Variants in TIMELESS observed in about 807,000 individuals in gnomAD.
TIMELESS encodes the protein protein timeless homolog.
Under a neutral mutation model 164.3 loss-of-function variants are expected in TIMELESS, and 124 were observed. The observed-to-expected ratio is 0.75, with a 90% confidence interval of 0.65 to 0.88. The LOEUF (loss-of-function observed/expected upper bound fraction) is 0.88, where lower values mean the gene tolerates loss of function less well. Among genes scored for constraint, TIMELESS ranks in the 40% least tolerant of loss-of-function variants. TIMELESS has a pLI of 0.00. For synonymous variants in TIMELESS, 564 were observed against 563.4 expected, an observed-to-expected ratio of 1.00 and a Z score of -0.02; for missense variants, 1,422 against 1,491.4, an observed-to-expected ratio of 0.95 and a Z score of 0.77.
chr12:56,439,282 C>T (rs1308820945), intron 1 of TIMELESS, among the ~76,000 whole-genome samples: 1 of 148,376 alleles, frequency 6.7e-6, no homozygotes, highest in Admixed American at 6.7e-5. Context: ...CTGATATGGG[C>T]ACAGTGGCTC....
chr12:56,434,647 G>A (rs910505213), intron 1 of TIMELESS, among the ~76,000 whole-genome samples: 24 of 152,358 alleles, frequency 1.6e-4, no homozygotes, highest in Admixed American at 1.0e-3. Context: ...TGAGGCAGGA[G>A]AGTGGCTTGA....
intron 1 of TIMELESS, among the ~76,000 whole-genome samples, chr12:56,438,885 C>T (rs1036910797): frequency 1.5e-4 from 22 of 150,856 alleles, no homozygotes; most frequent in South Asian, 4.2e-4. Flanking sequence ...CAAACACAGC[C>T]GGGTGCAGTG....
At position 56,417,442 on chromosome 12, in the gene TIMELESS, C is replaced by T. The variant is rs1194027253; in HGVS notation, c.*274G>A. On this transcript the variant is annotated 3_prime_UTR_variant, in exon 29 of 29. Coordinates refer to ENST00000553532, the MANE Select transcript of TIMELESS (RefSeq NM_003920.5). ...CACTCCTCTTATTTGCTAAGGAGCTCCAATAACCAAAAGAAATGGTTCCTA... is the reference window on the plus strand; with the variant it reads ...CACTCCTCTTATTTGCTAAGGAGCTTCAATAACCAAAAGAAATGGTTCCTA... 2 of 404,824 alleles carry T rather than the reference C, an allele frequency of 4.9e-6. No individual in the cohort carries two copies. Among genetic ancestry groups the T allele is most frequent in the African/African-American group, 2.0e-5 (1 of 50,094 alleles). The allele number at this position is 404,824 out of a possible 1,614,324, so 25.1% of individuals were successfully genotyped here. A position where few individuals can be genotyped will look rare whatever the true frequency, so the allele number is the denominator to read the frequency against.
intron 1 of TIMELESS, among the ~76,000 whole-genome samples, chr12:56,435,250 C>A (rs1284452380): frequency 6.6e-6 from 1 of 152,032 alleles, no homozygotes; most frequent in African/African-American, 2.4e-5. Context: ...TACTCTTAAA[C>A]CTTGGTAATT....
In TIMELESS at chr12:56,446,558, C is replaced by T. The variant is rs183700639; in HGVS notation, c.-62+2752G>A. Among the ~76,000 whole-genome samples, 420 of 152,180 alleles carry T rather than the reference C, an allele frequency of 2.8e-3. 3 individuals are homozygous for T. Among genetic ancestry groups the T allele is most frequent in the African/African-American group, 9.6e-3 (399 of 41,522 alleles). Reference sequence around the variant, plus strand: ...CTGAAGACTCTGTGCAGGCCAGGCGCAGTGGCTCATGCCTGTAATCCCAGC... The same window carrying T: ...CTGAAGACTCTGTGCAGGCCAGGCGTAGTGGCTCATGCCTGTAATCCCAGC... On this transcript the variant is annotated intron_variant, in intron 1 of 28. Coordinates refer to ENST00000553532, the MANE Select transcript of TIMELESS (RefSeq NM_003920.5).
In TIMELESS at chr12:56,431,635, A is replaced by G. The variant is rs1038075505; in HGVS notation, c.688-31T>C. ...TTGGAACAAAGAGGGAAGAATCAGG[A>G]GGACAGTCATTCCTTATCCTGAGTT... On this transcript the variant is annotated intron_variant, in intron 7 of 28. Transcript: ENST00000553532. 7 of 1,602,788 alleles carry G rather than the reference A, an allele frequency of 4.4e-6. No homozygotes were observed. In the African/African-American group the frequency reaches 8.1e-5, roughly 19 times the overall value.
Position 56,423,670 on chromosome 12 carries a change from T to G in TIMELESS, c.2004A>C (p.Glu668Asp), listed in dbSNP as rs778009922. 1 of 1,613,864 alleles carries G rather than the reference T, an allele frequency of 6.2e-7. No homozygotes were observed. The highest frequency in any genetic ancestry group is 1.3e-5 in the African/African-American group (1 of 74,904). Residue 668 changes from glutamate (E) to aspartate (D), a missense_variant, in exon 17 of 29, where the codon GAA (glutamate) becomes GAC (aspartate). Physicochemically the swap from Glu to Asp is conservative, Grantham distance 45. Coordinates refer to ENST00000553532, the MANE Select transcript of TIMELESS (RefSeq NM_003920.5). ...QGPEERGAEE[E>D]EEEEEEEEEE... ...CCTCTTCCTCCTCCTCCTCCTCTTC[T>G]TCTTCCTCTGCCCCACGTTCCTCTG...
Position 56,434,182 on chromosome 12 carries a change from C to A in TIMELESS, c.-12G>T. The A allele has an allele frequency of 6.2e-7, 1 of 1,603,316 alleles. No individual in the cohort carries two copies. The highest frequency in any genetic ancestry group is 8.5e-7 in the Non-Finnish European group (1 of 1,170,272). ...ATGTGCAAGTCCATACATCAGTGGA[C>A]CAACCAACAGAGAAGGAAGTGGAGA... On this transcript the variant is annotated 5_prime_UTR_variant, in exon 2 of 29. Coordinates refer to ENST00000553532, the MANE Select transcript of TIMELESS (RefSeq NM_003920.5).
intron 15 of TIMELESS, among the ~76,000 whole-genome samples, chr12:56,424,461 T>TAAA (rs1881605617): frequency 6.6e-6 from 1 of 152,188 alleles, no homozygotes; most frequent in Non-Finnish European, 1.5e-5. Context: ...TTTTTTCTCT[T>TAAA]AACGTTATAA....
Position 56,428,560 on chromosome 12 carries a change from C to A in TIMELESS, c.1397G>T (p.Arg466Leu), listed in dbSNP as rs1186463240. Residue 466 changes from arginine (R) to leucine (L), a missense_variant, in exon 12 of 29, where the codon CGC (arginine) becomes CTC (leucine). Physicochemically the swap from Arg to Leu is moderately radical, Grantham distance 102. Transcript: ENST00000553532. Reference sequence around the variant, plus strand: ...GGCCAGGGCCTCACTCTTGATGATGCGGCTGCTCTCCCTCACAGCCTCATC... The same window carrying A: ...GGCCAGGGCCTCACTCTTGATGATGAGGCTGCTCTCCCTCACAGCCTCATC... ...SPDEAVRESS[R>L]IIKNNIFYVM... 6.2e-7 allele frequency: 1 copy of A among 1,613,770 alleles called. No individual in the cohort carries two copies. The highest frequency in any genetic ancestry group is 8.5e-7 in the Non-Finnish European group (1 of 1,179,768).
In TIMELESS at chr12:56,423,861, A is replaced by G. The variant is rs1329482803; in HGVS notation, c.1902T>C (p.Ser634=). 4 of 1,614,096 alleles carry G rather than the reference A, an allele frequency of 2.5e-6. No individual in the cohort carries two copies. The highest frequency in any genetic ancestry group is 3.4e-6 in the Non-Finnish European group (4 of 1,180,046). The change falls in exon 16 of 29, where the codon TCT becomes TCC. Residue 634 remains serine (S), a synonymous_variant. Transcript: ENST00000553532. The part of the protein sequence containing the change: ...EVWPEGDVFG[S]QDISPEEEIQ... ...TCTCTTCCTCTGGAGAAATGTCTTG[A>G]GAGCCAAACACATCTCCTTCAGGCC...
At chr12:56,428,183 C>G in intron 13 of TIMELESS, 53 bp downstream of exon 13, 3 of 1,489,078 alleles carry the variant, frequency 2.0e-6, no homozygotes, top group South Asian at 1.3e-5. Context: ...AAAGAGCCCC[C>G]CTTCCTTGAC....
chr12:56,446,218 G>A (rs1196651804), intron 1 of TIMELESS, among the ~76,000 whole-genome samples: 2 of 152,050 alleles, frequency 1.3e-5, no homozygotes, highest in Non-Finnish European at 2.9e-5. Context: ...GTTCAATCTA[G>A]CCTCAATATG....
rs201615298 is a variant in TIMELESS at position 56,423,649 on chromosome 12, TTCCTCC to T, written c.2019_2024del (p.Glu677_Glu678del). On this transcript the variant is annotated inframe_deletion, in exon 17 of 29. Coordinates refer to ENST00000553532, the MANE Select transcript of TIMELESS (RefSeq NM_003920.5). The stretch of plus-strand genomic sequence containing the variant: ...CCTGGACCACTTGCAACTCCTCCTC[TTCCTCC>T]TCCTCCTCCTCTTCTTCTTCCTCTG... 12 of 1,613,688 alleles carry T rather than the reference TTCCTCC, an allele frequency of 7.4e-6. No homozygotes were observed. The highest frequency in any genetic ancestry group is 6.7e-5 in the East Asian group (3 of 44,796).
In TIMELESS at chr12:56,434,167, C is replaced by A; in HGVS notation, c.4G>T (p.Asp2Tyr). ...AGTTCACAGTTCATCATGTGCAAGT[C>A]CATACATCAGTGGACCAACCAACAG... M[D>Y]LHMMNCELLA... The change falls in exon 2 of 29, where the codon GAC (aspartate) becomes TAC (tyrosine). Residue 2 changes from aspartate to tyrosine, a missense_variant. Physicochemically the swap from Asp to Tyr is radical, Grantham distance 160 (BLOSUM62 -3). Coordinates refer to ENST00000553532, the MANE Select transcript of TIMELESS (RefSeq NM_003920.5). The A allele has an allele frequency of 5.6e-6, 9 of 1,613,918 alleles. No homozygotes were observed. Among genetic ancestry groups the A allele is most frequent in the Non-Finnish European group, 7.6e-6 (9 of 1,179,824 alleles).
chr12:56,439,772 C>T (rs1868250987), intron 1 of TIMELESS, among the ~76,000 whole-genome samples: 1 of 152,178 alleles, frequency 6.6e-6, no homozygotes, highest in African/African-American at 2.4e-5. Flanking sequence ...AAACAACACT[C>T]CACACAATTA....
chr12:56,420,444 A>G, intron 26 of TIMELESS, 125 bp downstream of exon 26: 1 of 757,372 alleles, frequency 1.3e-6, no homozygotes, highest in Non-Finnish European at 2.2e-6. Context: ...AGATGACAAG[A>G]CAATGAGAAG....
intron 1 of TIMELESS, among the ~76,000 whole-genome samples, chr12:56,447,079 G>A (rs1009749297): frequency 4.0e-5 from 6 of 149,316 alleles, no homozygotes; most frequent in Non-Finnish European, 8.9e-5. Flanking sequence ...GTGCAATCTC[G>A]GCTCACTGCA....
At position 56,428,658 on chromosome 12, in the gene TIMELESS, AG is replaced by A. The variant is rs778183374; in HGVS notation, c.1305-7del. On this transcript the variant is annotated splice_region_variant and splice_polypyrimidine_tract_variant and intron_variant, in intron 11 of 28. Coordinates refer to ENST00000553532, the MANE Select transcript of TIMELESS (RefSeq NM_003920.5). ...CCTTCAGAGCCAAGTGCATCCTGAG[AG>A]TTGACGGGAAACGGTGAAATGGAGG... 1 of 1,612,628 alleles carries A rather than the reference AG, an allele frequency of 6.2e-7. No individual in the cohort carries two copies. The highest frequency in any genetic ancestry group is 1.1e-5 in the South Asian group (1 of 91,052).
Sources: allele counts gnomAD v4.1 joint callset (sites outside exome capture counted in the v4.1 genomes callset), GRCh38; gene constraint gnomAD v4.1.1; transcripts MANE v1.5; gene names NCBI Gene and HGNC (gene_info 2026-07-23, HGNC 2026-07-21).